CREB3L4: variants seen among roughly 807,000 people sequenced by gnomAD.
CREB3L4 encodes cAMP responsive element binding protein 3 like 4.
CREB3L4 carries 28 observed loss-of-function variants against 37.0 expected under a neutral mutation model. The observed-to-expected ratio is 0.76, with a 90% confidence interval of 0.56 to 1.04. The LOEUF (loss-of-function observed/expected upper bound fraction) is 1.04, where lower values mean the gene tolerates loss of function less well. Among genes scored for constraint, CREB3L4 ranks in the 50% least tolerant of loss-of-function variants. The pLI, the probability that CREB3L4 is intolerant of heterozygous loss-of-function variation, is 0.00. For synonymous variants in CREB3L4, 175 were observed against 192.2 expected, an observed-to-expected ratio of 0.91 and a Z score of 0.74; for missense variants, 462 against 486.0, an observed-to-expected ratio of 0.95 and a Z score of 0.46.
At chr1:153,968,497 C>T (rs769233146) in intron 1 of CREB3L4, 25 bp from the exon 2 acceptor site, 3 of 1,605,550 alleles carry the variant, frequency 1.9e-6, no homozygotes, top group Non-Finnish European at 2.6e-6. Context: ...TTCTGCAACC[C>T]TCCGTCCCAC....
rs766639918 is a variant in CREB3L4, at chr1:153,973,399, C to T, written c.832C>T (p.Arg278Cys). 24 of 1,613,992 alleles carry T rather than the reference C, an allele frequency of 1.5e-5. No homozygotes were observed. Among genetic ancestry groups the T allele is most frequent in the African/African-American group, 6.7e-5 (5 of 74,884 alleles). Residue 278 changes from arginine (R) to cysteine (C), a missense_variant, in exon 8 of 10, where the codon CGC becomes TGC. Coordinates refer to ENST00000368607, the MANE Select transcript of CREB3L4 (RefSeq NM_001255978.2). Reference sequence around the variant, plus strand: ...TCCCAGCTCCTTGGTAGCTCAGCTCCGCCAGCTGCAGACGCTAATTGCTCA... The same window carrying T: ...TCCCAGCTCCTTGGTAGCTCAGCTCTGCCAGCTGCAGACGCTAATTGCTCA... ...RHNISLVAQL[R>C]QLQTLIAQTS... is the part of the protein sequence containing the mutation.
chr1:153,969,498 A>G, intron 4 of CREB3L4, 43 bp downstream of exon 4: 2 of 1,605,394 alleles, frequency 1.2e-6, no homozygotes, highest in South Asian at 2.2e-5. Context: ...CTTGATACAT[A>G]TATAATCACA....
In CREB3L4 at chr1:153,969,407, C is replaced by T. The variant is rs570354788; in HGVS notation, c.495C>T (p.His165=). ...AGCTGCCCTTTGATGCTCATGCCCACATCCTGCCCAGAGCAGGCACCGTAG... is the reference window on the plus strand; with the variant it reads ...AGCTGCCCTTTGATGCTCATGCCCATATCCTGCCCAGAGCAGGCACCGTAG... ...VSELPFDAHA[H]ILPRAGTVAP... The change falls in exon 4 of 10, where the codon CAC becomes CAT. Residue 165 remains histidine (H), a synonymous_variant. Transcript: ENST00000368607. 9.9e-6 allele frequency: 16 copies of T among 1,614,196 alleles called. No homozygotes were observed. In the South Asian group the frequency reaches 1.6e-4, roughly 17 times the overall value.
intron 1 of CREB3L4, 142 bp from the exon 2 acceptor site, chr1:153,968,380 A>T: frequency 3.5e-6 from 2 of 572,532 alleles, no homozygotes; most frequent in Admixed American, 4.1e-5. Flanking sequence ...TCGAGGGGAC[A>T]GGTGAGGGGG....
In CREB3L4 at chr1:153,973,986, G is replaced by A. The variant is rs1648673760; in HGVS notation, c.1109G>A (p.Arg370Lys). Reference protein sequence around the residue: ...PGAKDANGSTRTLLEKMGGKP... With the variant: ...PGAKDANGSTKTLLEKMGGKP... ...GCCAAGGATGCAAATGGCTCAACAA[G>A]GACACTGCTTGAGAAGATGGGAGGG... Residue 370 changes from arginine to lysine, a missense_variant, in exon 10 of 10, where the codon AGG (arginine) becomes AAG (lysine). Coordinates refer to ENST00000368607, the MANE Select transcript of CREB3L4 (RefSeq NM_001255978.2). 1 of 1,614,194 alleles carries A rather than the reference G, an allele frequency of 6.2e-7. No homozygotes were observed. The highest frequency in any genetic ancestry group is 1.3e-5 in the African/African-American group (1 of 75,060).
At chr1:153,972,322 G>T (rs1177127138) in intron 4 of CREB3L4, among the ~76,000 whole-genome samples, 1 of 152,140 alleles carries the variant, frequency 6.6e-6, no homozygotes, top group Non-Finnish European at 1.5e-5. Context: ...TGAGGTTGAC[G>T]GGCAACTGGA....
chr1:153,968,773 G>T, intron 2 of CREB3L4, 74 bp downstream of exon 2: 1 of 1,588,764 alleles, frequency 6.3e-7, no homozygotes, highest in Non-Finnish European at 8.6e-7. Flanking sequence ...CTCCCACTTG[G>T]AGACAGGTCT....
At position 153,973,084 on chromosome 1, in the gene CREB3L4, C is replaced by T. The variant is rs1648556561; in HGVS notation, c.743+6C>T. The T allele has an allele frequency of 6.2e-7, 1 of 1,613,944 alleles. No homozygotes were observed. Among genetic ancestry groups the T allele is most frequent in the East Asian group, 2.2e-5 (1 of 44,880 alleles). ...ATTGATGGGCTGGAGAGCAGGTACG[C>T]CTGGGTTATTTCTGGCTTCTTGTGG... On this transcript the variant is annotated splice_donor_region_variant and intron_variant, in intron 6 of 9. Coordinates refer to ENST00000368607, the MANE Select transcript of CREB3L4 (RefSeq NM_001255978.2).
Position 153,972,770 on chromosome 1 carries a change from C to G in CREB3L4, c.570C>G (p.Thr190=). ...TGCCCTGTCAAACCCTGTTCCTGAC[C>G]GATGAGGAGAAGCGTCTGCTGGGGC... The part of the protein sequence containing the change: ...TLLPCQTLFL[T]DEEKRLLGQE... Residue 190 remains threonine, a synonymous_variant, in exon 5 of 10, where the codon ACC becomes ACG. Coordinates refer to ENST00000368607, the MANE Select transcript of CREB3L4 (RefSeq NM_001255978.2). 1.9e-6 allele frequency: 3 copies of G among 1,613,906 alleles called. No homozygotes were observed. The highest frequency in any genetic ancestry group is 2.5e-6 in the Non-Finnish European group (3 of 1,179,966).
In CREB3L4 at chr1:153,970,218, C is replaced by T. The variant is rs553778869; in HGVS notation, c.543+763C>T. On this transcript the variant is annotated intron_variant, in intron 4 of 9. Transcript: ENST00000368607. The stretch of plus-strand genomic sequence containing the variant: ...CTGGGATTACAGGTGTGAGCCACCA[C>T]GCCTGGCCCAACATGAACAATTTTA... 1.1e-3 allele frequency among the ~76,000 whole-genome samples: 173 copies of T among 152,166 alleles called. 1 individual carries two copies. The highest frequency in any genetic ancestry group is 3.5e-3 in the African/African-American group (146 of 41,496).
intron 7 of CREB3L4, 50 bp from the exon 8 acceptor site, chr1:153,973,330 T>G: frequency 6.2e-7 from 1 of 1,610,942 alleles, no homozygotes; most frequent in Non-Finnish European, 8.5e-7. Flanking sequence ...GGTGCCATTC[T>G]TGGCCCCTGG....
intron 8 of CREB3L4, 23 bp from the exon 9 acceptor site, chr1:153,973,597 C>G: frequency 6.2e-7 from 1 of 1,603,244 alleles, no homozygotes; most frequent in Non-Finnish European, 8.5e-7. Flanking sequence ...CTCCCTTCAT[C>G]TGTTCCTCTT....
Position 153,968,506 on chromosome 1 carries a change from ACACGCCTTC to A in CREB3L4, c.-4-14_-4-6del, listed in dbSNP as rs759873110. The A allele has an allele frequency of 1.2e-6, 2 of 1,609,346 alleles. No individual in the cohort carries two copies. The highest frequency in any genetic ancestry group is 1.7e-6 in the Non-Finnish European group (2 of 1,177,070). ...TTCCGTTTCTGCAACCCTCCGTCCC[ACACGCCTTC>A]CTGCAGAAGCATGGATCTCGGAATC... On this transcript the variant is annotated splice_region_variant and splice_polypyrimidine_tract_variant and intron_variant, in intron 1 of 9. Transcript: ENST00000368607.
Position 153,971,499 on chromosome 1 carries a change from C to T in CREB3L4, c.544-1245C>T, listed in dbSNP as rs537180342. Among the ~76,000 whole-genome samples, 28 of 152,028 alleles carry T rather than the reference C, an allele frequency of 1.8e-4. No individual in the cohort carries two copies. In the South Asian group the frequency reaches 5.6e-3, roughly 30 times the overall value. On this transcript the variant is annotated intron_variant, in intron 4 of 9. Coordinates refer to ENST00000368607, the MANE Select transcript of CREB3L4 (RefSeq NM_001255978.2). ...GCCCAGGTTGGTCTCGAACTCCTAG[C>T]CTCAAGCAATCCTCCTGTCTTGACC...
Position 153,973,583 on chromosome 1 carries a change from C to T in CREB3L4, c.898-37C>T, listed in dbSNP as rs765322971. On this transcript the variant is annotated intron_variant, in intron 8 of 9. Transcript: ENST00000368607. ...CAGCTGGCCTCCGTTCACTCTACCC[C>T]CTGCTCCCTTCATCTGTTCCTCTTG... is the stretch of plus-strand genomic sequence containing the variant. 10 of 1,589,552 alleles carry T rather than the reference C, an allele frequency of 6.3e-6. No homozygotes were observed. The African/African-American group carries it at 1.2e-4, about 19-fold the overall frequency.
At chr1:153,973,587 C>T (rs1469006357) in intron 8 of CREB3L4, 33 bp from the exon 9 acceptor site, 2 of 1,590,824 alleles carry the variant, frequency 1.3e-6, no homozygotes, top group Non-Finnish European at 1.7e-6. Context: ...CTACCCCCTG[C>T]TCCCTTCATC....
At chr1:153,973,583 C>A (rs765322971) in intron 8 of CREB3L4, 37 bp from the exon 9 acceptor site, 37 of 1,589,552 alleles carry the variant, frequency 2.3e-5, no homozygotes, top group South Asian at 1.2e-4. Flanking sequence ...CACTCTACCC[C>A]CTGCTCCCTT....
At position 153,968,667 on chromosome 1, in the gene CREB3L4, C is replaced by T; in HGVS notation, c.142C>T (p.Gln48Ter). 3 of 1,613,770 alleles carry T rather than the reference C, an allele frequency of 1.9e-6. No individual in the cohort carries two copies. The highest frequency in any genetic ancestry group is 1.7e-6 in the Non-Finnish European group (2 of 1,179,980). ...AACTAGGCTACAGGAACAGGGACTG[C>T]AAGGCTGGAAGTCCGGTGGGGACCG... ...PVTRLQEQGL[Q>*]GWKSGGDRGC... is the part of the protein sequence containing the mutation. Residue 48 changes from glutamine to a stop codon, truncating the protein, a stop_gained, in exon 2 of 10, where the codon CAA becomes TAA. Coordinates refer to ENST00000368607, the MANE Select transcript of CREB3L4 (RefSeq NM_001255978.2). LOFTEE classifies it high-confidence loss of function.
Position 153,973,945 on chromosome 1 carries a change from G to A in CREB3L4, c.1068G>A (p.Leu356=). ...NLETQVVESR[L]REPPGAKDAN... is the part of the protein sequence containing the mutation. ...AGACCCAAGTGGTAGAGTCCAGACT[G>A]AGGGAGCCACCTGGAGCCAAGGATG... Residue 356 remains leucine, a synonymous_variant, in exon 10 of 10, where the codon CTG becomes CTA. Transcript: ENST00000368607. 6.2e-7 allele frequency: 1 copy of A among 1,614,188 alleles called. No homozygotes were observed. Among genetic ancestry groups the A allele is most frequent in the Non-Finnish European group, 8.5e-7 (1 of 1,180,022 alleles).
Sources: allele counts gnomAD v4.1 joint callset (sites outside exome capture counted in the v4.1 genomes callset), GRCh38; gene constraint gnomAD v4.1.1; transcripts MANE v1.5; gene names NCBI Gene and HGNC (gene_info 2026-07-23, HGNC 2026-07-21).